The following SLC25A48 variants were observed in gnomAD, a reference collection of about 807,000 sequenced individuals.
SLC25A48 encodes the protein solute carrier family 25 member 48, also known as CTC-321K16.1.
SLC25A48 carries 29 observed loss-of-function variants against 32.2 expected under a neutral mutation model. The observed-to-expected ratio is 0.90, with a 90% confidence interval of 0.67 to 1.23. The LOEUF (loss-of-function observed/expected upper bound fraction) is 1.23. Ranked by LOEUF, SLC25A48 falls within the 50% of genes most tolerant of loss-of-function variation. The pLI, the probability that SLC25A48 is intolerant of heterozygous loss-of-function variation, is 0.00. For synonymous variants in SLC25A48, 164 were observed against 172.3 expected (o/e 0.95, Z 0.38); for missense variants, 399 against 422.7 (o/e 0.94, Z 0.49).
chr5:135,771,512 G>T (rs1052500136), intron 3 of SLC25A48, among the ~76,000 whole-genome samples: 4 of 151,576 alleles, frequency 2.6e-5, no homozygotes, highest in Non-Finnish European at 5.9e-5. Flanking sequence ...TATCCAGGAA[G>T]TGGGGAGACG....
At chr5:135,842,599 G>T in intron 2 of SLC25A48, 140 bp downstream of exon 2, 2 of 840,544 alleles carry the variant, frequency 2.4e-6, no homozygotes, top group Non-Finnish European at 3.8e-6. Flanking sequence ...AGGGGGTGTT[G>T]GGTGCCAGGA....
At chr5:135,675,413 C>CTGCA (rs1467692690) in intron 3 of SLC25A48, among the ~76,000 whole-genome samples, 5 of 152,022 alleles carry the variant, frequency 3.3e-5, no homozygotes, top group African/African-American at 1.2e-4. Context: ...AAACCTTGGC[C>CTGCA]TGCATATGGA....
At chr5:135,596,498 T>G (rs2126880189) in intron 1 of SLC25A48, among the ~76,000 whole-genome samples, 1 of 152,326 alleles carries the variant, frequency 6.6e-6, no homozygotes, top group South Asian at 2.1e-4. Context: ...TCCGTAGTCC[T>G]CAAAGTCAGA....
intron 3 of SLC25A48, among the ~76,000 whole-genome samples, chr5:135,771,996 G>A (rs1475659745): frequency 1.3e-5 from 2 of 151,332 alleles, no homozygotes; most frequent in Admixed American, 1.3e-4. Context: ...ATATCATGGG[G>A]GCTGTACACT....
chr5:135,735,148 T>C (rs185634179), intron 3 of SLC25A48, among the ~76,000 whole-genome samples: 44 of 152,252 alleles, frequency 2.9e-4, no homozygotes, highest in African/African-American at 1.0e-3. Context: ...GCAAGTTCCT[T>C]GGGGAGGGGG....
intron 3 of SLC25A48, among the ~76,000 whole-genome samples, chr5:135,810,666 A>G (rs920130402): frequency 2.0e-5 from 3 of 152,116 alleles, no homozygotes; most frequent in Non-Finnish European, 2.9e-5. Flanking sequence ...TACTCTTCCC[A>G]AGGAGGTTTC....
chr5:135,859,259 G>GA (rs1456777682), intron 4 of SLC25A48, among the ~76,000 whole-genome samples: 2 of 152,156 alleles, frequency 1.3e-5, no homozygotes, highest in Non-Finnish European at 2.9e-5. Context: ...GGCAGAAGGT[G>GA]AAGGAGGAGC....
chr5:135,605,454 C>T (rs561380689), intron 1 of SLC25A48, among the ~76,000 whole-genome samples: 2 of 152,300 alleles, frequency 1.3e-5, no homozygotes, highest in Non-Finnish European at 2.9e-5. Context: ...TTGGGGAGAA[C>T]CTCTGGGTGT....
At chr5:135,805,895 ATATCT>A (rs1757453474) in intron 3 of SLC25A48, among the ~76,000 whole-genome samples, 1 of 151,468 alleles carries the variant, frequency 6.6e-6, no homozygotes, top group African/African-American at 2.4e-5. Flanking sequence ...ATTATTTGTA[ATATCT>A]TAGGGAGATA....
intron 3 of SLC25A48, among the ~76,000 whole-genome samples, chr5:135,788,612 C>A (rs914661765): frequency 6.7e-6 from 1 of 149,840 alleles, no homozygotes. Flanking sequence ...TTCGTAATAT[C>A]CAGGGCAGGG....
At chr5:135,834,961 G>T in intron 1 of SLC25A48, 68 bp downstream of exon 1, 1 of 1,540,558 alleles carries the variant, frequency 6.5e-7, no homozygotes. Context: ...TCTATGCTCT[G>T]AGGAAACTTT....
chr5:135,591,044 G>C (rs978704897), intron 1 of SLC25A48, among the ~76,000 whole-genome samples: 6 of 152,226 alleles, frequency 3.9e-5, no homozygotes, highest in Non-Finnish European at 5.9e-5. Context: ...CTGGCACTCA[G>C]GTAGGAGCCT....
At chr5:135,795,680 G>T (rs62364707) in intron 3 of SLC25A48, among the ~76,000 whole-genome samples, 7,865 of 151,700 alleles carry the variant, frequency 0.052, 267 homozygotes, top group South Asian at 0.12. Flanking sequence ...GGGGGTAGAG[G>T]GTGATATTAC....
At chr5:135,593,927 CT>C (rs1478385060) in intron 1 of SLC25A48, among the ~76,000 whole-genome samples, 2 of 152,346 alleles carry the variant, frequency 1.3e-5, no homozygotes, top group South Asian at 2.1e-4. Context: ...ACCAGCCCCC[CT>C]GGTCACTGGC....
At chr5:135,597,865 A>G (rs957955502) in intron 1 of SLC25A48, among the ~76,000 whole-genome samples, 1 of 152,144 alleles carries the variant, frequency 6.6e-6, no homozygotes, top group Non-Finnish European at 1.5e-5. Flanking sequence ...TTAGCCGGGC[A>G]TGGTGCTGCA....
intron 1 of SLC25A48, among the ~76,000 whole-genome samples, chr5:135,608,869 C>T (rs547286813): frequency 2.8e-4 from 42 of 152,270 alleles, no homozygotes; most frequent in Non-Finnish European, 5.1e-4. Context: ...GCTGGACTTG[C>T]TGCTTCTTGG....
chr5:135,813,868 G>GC (rs570478992), intron 4 of SLC25A48, among the ~76,000 whole-genome samples: 54 of 152,284 alleles, frequency 3.5e-4, no homozygotes, highest in African/African-American at 1.3e-3. Flanking sequence ...CACTTGATGT[G>GC]CCCCACAGAG....
intron 3 of SLC25A48, among the ~76,000 whole-genome samples, chr5:135,806,437 A>G (rs1229126218): frequency 6.6e-6 from 1 of 151,434 alleles, no homozygotes; most frequent in Admixed American, 6.6e-5. Context: ...TTTTATTAAT[A>G]CCATAATGTG....
At chr5:135,790,723 A>G (rs1215810594) in intron 3 of SLC25A48, among the ~76,000 whole-genome samples, 1 of 151,542 alleles carries the variant, frequency 6.6e-6, no homozygotes, top group African/African-American at 2.4e-5. Context: ...CTATGTGTAT[A>G]CACTGTGTGA....
Sources: gnomAD v4.1 joint callset for allele counts (sites outside exome capture counted in the v4.1 genomes callset) on GRCh38, gnomAD v4.1.1 for gene constraint, MANE v1.5 for transcripts, NCBI Gene and HGNC (gene_info 2026-07-23, HGNC 2026-07-21) for gene names.